The following ZWILCH variants were observed in gnomAD, a reference collection of about 807,000 sequenced individuals.
ZWILCH encodes the protein zwilch kinetochore protein.
Under a neutral mutation model 79.9 loss-of-function variants are expected in ZWILCH, and 74 were observed. That is an observed-to-expected ratio of 0.93 (90% CI 0.77 to 1.12). ZWILCH has a LOEUF of 1.12. Among genes scored for constraint, ZWILCH ranks in the 50% most tolerant of loss-of-function variants. ZWILCH has a pLI of 0.00. For missense variants in ZWILCH, 694 were observed against 687.5 expected (o/e 1.01, Z -0.11); for synonymous variants, 241 against 228.2 (o/e 1.06, Z -0.51).
At chr15:66,513,524 C>T (rs748789415) in intron 2 of ZWILCH, among the ~76,000 whole-genome samples, 2 of 151,852 alleles carry the variant, frequency 1.3e-5, no homozygotes, top group Admixed American at 6.5e-5. Context: ...TATGCATATG[C>T]CTATGAATAG....
In ZWILCH at chr15:66,509,021, G is replaced by C. The variant is rs572016766; in HGVS notation, c.105+129G>C. ...GTGGCGCGATCTCGGCTCACTGCAA[G>C]CTCCGGCTCCCGGGTTCACGCCATT... On this transcript the variant is annotated intron_variant, in intron 2 of 18. Coordinates refer to ENST00000307897, the MANE Select transcript of ZWILCH (RefSeq NM_017975.5). The C allele has an allele frequency of 3.5e-4, 321 of 929,342 alleles. 3 individuals are homozygous for C. In the Middle Eastern group the frequency reaches 5.8e-3, roughly 17 times the overall value. The allele number at this position is 929,342 out of a possible 1,614,324, so 57.6% of individuals were successfully genotyped here. A position where few individuals can be genotyped will look rare whatever the true frequency, so the allele number is the denominator to read the frequency against.
chr15:66,519,206 A>G (rs893391200), intron 5 of ZWILCH, 128 bp downstream of exon 5: 1 of 840,832 alleles, frequency 1.2e-6, no homozygotes, highest in Non-Finnish European at 1.9e-6. Flanking sequence ...ATTAATCACC[A>G]TAAATCTACT....
At chr15:66,535,675 CAAAAA>C (rs35287244) in intron 14 of ZWILCH, among the ~76,000 whole-genome samples, 1 of 103,632 alleles carries the variant, frequency 9.6e-6, no homozygotes, top group African/African-American at 3.7e-5. Context: ...GACCCTGTCT[CAAAAA>C]AAAAAAAAAA....
Position 66,537,234 on chromosome 15 carries a change from A to T in ZWILCH, c.1545A>T (p.Arg515Ser). 1 of 1,613,386 alleles carries T rather than the reference A, an allele frequency of 6.2e-7. No individual in the cohort carries two copies. The highest frequency in any genetic ancestry group is 1.1e-5 in the South Asian group (1 of 91,048). ...DEQHIFQLPV[R>S]PTAVKNLYQS... is the part of the protein sequence containing the mutation. ...AACACATTTTTCAGCTGCCAGTCAG[A>T]CCAACTGCTGTAAAGAACTTATATC... The change falls in exon 16 of 19, where the codon AGA (arginine) becomes AGT (serine). Residue 515 changes from arginine to serine, a missense_variant. By Grantham distance (110) the Arg-to-Ser change is moderately radical (BLOSUM62 -1). Coordinates refer to ENST00000307897, the MANE Select transcript of ZWILCH (RefSeq NM_017975.5).
intron 5 of ZWILCH, 117 bp downstream of exon 5, chr15:66,519,195 C>G (rs1451686181): frequency 3.2e-6 from 3 of 931,066 alleles, no homozygotes; most frequent in Admixed American, 4.3e-5. Flanking sequence ...GTAGAACTTG[C>G]ATTAATCACC....
chr15:66,532,091 C>G (rs930785476), intron 12 of ZWILCH, among the ~76,000 whole-genome samples, 156 bp from the exon 13 acceptor site: 3 of 152,042 alleles, frequency 2.0e-5, no homozygotes, highest in Admixed American at 2.0e-4. Context: ...ATGTTAATAA[C>G]TTGGGGGGTT....
At chr15:66,532,843 G>T in intron 13 of ZWILCH, 142 bp from the exon 14 acceptor site, 1 of 538,006 alleles carries the variant, frequency 1.9e-6, no homozygotes. Context: ...CTTTCATATA[G>T]GAACTATAAA....
intron 16 of ZWILCH, among the ~76,000 whole-genome samples, chr15:66,539,840 G>A (rs1238465143): frequency 2.6e-5 from 4 of 151,744 alleles, no homozygotes; most frequent in Admixed American, 6.6e-5. Flanking sequence ...TCCCCAATCC[G>A]AGTTACATTC....
chr15:66,516,511 T>C (rs1894265082), intron 4 of ZWILCH, among the ~76,000 whole-genome samples: 1 of 152,158 alleles, frequency 6.6e-6, no homozygotes. Context: ...TTTTTTTCTT[T>C]TTTTTTTCTT....
intron 12 of ZWILCH, among the ~76,000 whole-genome samples, chr15:66,531,507 C>A (rs1894852211): frequency 6.6e-6 from 1 of 152,080 alleles, no homozygotes; most frequent in Admixed American, 6.6e-5. Flanking sequence ...ATTGCCCAGG[C>A]TGGAGTGCAG....
At chr15:66,506,611 G>A (rs778521858) in intron 1 of ZWILCH, among the ~76,000 whole-genome samples, 14 of 152,102 alleles carry the variant, frequency 9.2e-5, no homozygotes, top group Non-Finnish European at 1.3e-4. Context: ...AGCCGAGATC[G>A]TGCCAGTGCA....
rs1555424491 is a variant in ZWILCH, at chr15:66,519,098, A to T, written c.520+20A>T. ...GTAAAGGTGAGTGCTCTCTCTAGAG[A>T]GTGTGTGTGTGTATTTATTCATTTG... On this transcript the variant is annotated intron_variant, in intron 5 of 18. Coordinates refer to ENST00000307897, the MANE Select transcript of ZWILCH (RefSeq NM_017975.5). 1.9e-6 allele frequency: 3 copies of T among 1,600,554 alleles called. No homozygotes were observed. The highest frequency in any genetic ancestry group is 1.7e-6 in the Non-Finnish European group (2 of 1,167,842).
chr15:66,508,963 G>A (rs1893926382), intron 2 of ZWILCH, 71 bp downstream of exon 2: 4 of 1,523,312 alleles, frequency 2.6e-6, no homozygotes, highest in Middle Eastern at 2.1e-4. Context: ...ATTTTGAGAC[G>A]GAGTCATGCT....
At chr15:66,516,988 C>T (rs1273453262) in intron 4 of ZWILCH, among the ~76,000 whole-genome samples, 1 of 152,124 alleles carries the variant, frequency 6.6e-6, no homozygotes, top group African/African-American at 2.4e-5. Flanking sequence ...CATTTTCCTT[C>T]TGGGGTTATT....
At chr15:66,508,969 A>G (rs1278930059) in intron 2 of ZWILCH, 77 bp downstream of exon 2, 1 of 1,503,902 alleles carries the variant, frequency 6.6e-7, no homozygotes, top group East Asian at 2.3e-5. Flanking sequence ...AGACGGAGTC[A>G]TGCTCTGTTA....
intron 14 of ZWILCH, among the ~76,000 whole-genome samples, chr15:66,534,989 C>G (rs1384951181): frequency 6.6e-6 from 1 of 151,946 alleles, no homozygotes; most frequent in Admixed American, 6.6e-5. Flanking sequence ...TACAGCTATA[C>G]AAAAATATTT....
chr15:66,537,932 T>C lies in ZWILCH; in HGVS notation c.1574+669T>C, dbSNP rs74797380. Among the ~76,000 whole-genome samples the C allele has an allele frequency of 9.7e-3, 1,483 of 152,266 alleles. 8 individuals carry two copies. Among genetic ancestry groups the C allele is most frequent in the Middle Eastern group, 0.031 (9 of 294 alleles). ...CTTTCATTTTTCTCTGTATTTGTTATTCCTTCAGAGAAGAGTGGAAAGTAT... is the reference window on the plus strand; with the variant it reads ...CTTTCATTTTTCTCTGTATTTGTTACTCCTTCAGAGAAGAGTGGAAAGTAT... On this transcript the variant is annotated intron_variant, in intron 16 of 18. Transcript: ENST00000307897.
chr15:66,543,599 A>C (rs1595924255), intron 17 of ZWILCH, among the ~76,000 whole-genome samples: 1 of 152,146 alleles, frequency 6.6e-6, no homozygotes, highest in Non-Finnish European at 1.5e-5. Flanking sequence ...TGTACAAAAA[A>C]TACAAAAATT....
At chr15:66,505,461 G>A (rs1461795969) in intron 1 of ZWILCH, 70 bp downstream of exon 1, 4 of 1,573,662 alleles carry the variant, frequency 2.5e-6, no homozygotes, top group South Asian at 2.2e-5. Flanking sequence ...CTGGATCCCC[G>A]CCCTAAGCCT....
Sources: allele counts gnomAD v4.1 joint callset (sites outside exome capture counted in the v4.1 genomes callset), GRCh38; gene constraint gnomAD v4.1.1; transcripts MANE v1.5; gene names NCBI Gene and HGNC (gene_info 2026-07-23, HGNC 2026-07-21).